Variants in RBBP8NL observed in about 807,000 individuals in gnomAD.
RBBP8NL encodes RBBP8 N-terminal like.
RBBP8NL carries 59 observed loss-of-function variants against 62.2 expected under a neutral mutation model. The observed-to-expected ratio is 0.95, with a 90% CI of 0.77 to 1.18. The LOEUF is 1.18. Ranked by LOEUF, RBBP8NL falls within the 50% of genes most tolerant of loss-of-function variation. RBBP8NL has a pLI of 0.00. For missense variants in RBBP8NL, 896 were observed against 899.5 expected, an observed-to-expected ratio of 1.00 and a Z score of 0.05; for synonymous variants, 412 against 394.1, an observed-to-expected ratio of 1.05 and a Z score of -0.54.
rs1233887740 is a variant in RBBP8NL, at chr20:62,414,237, T to G, written c.1114A>C (p.Ser372Arg). 5 of 1,599,898 alleles carry G rather than the reference T, an allele frequency of 3.1e-6. No homozygotes were observed. Among genetic ancestry groups the G allele is most frequent in the Non-Finnish European group, 4.3e-6 (5 of 1,174,634 alleles). Reference sequence around the variant, plus strand: ...GTGGGCTGGCCCCTTGGCCTGACACTGCCTGCCCTGGCCCTAGCCCGCAGC... The same window carrying G: ...GTGGGCTGGCCCCTTGGCCTGACACGGCCTGCCCTGGCCCTAGCCCGCAGC... ...QQLRARARAG[S>R]VRPRGQPTPG... is the part of the protein sequence containing the mutation. The change falls in exon 10 of 14, where the codon AGT becomes CGT. Residue 372 changes from serine (S) to arginine (R), a missense_variant. Ser to Arg is a moderately radical substitution (Grantham distance 110). Transcript: ENST00000252998.
At chr20:62,417,389 G>T in intron 3 of RBBP8NL, 70 bp from the exon 4 acceptor site, 1 of 1,273,508 alleles carries the variant, frequency 7.9e-7, no homozygotes, top group Non-Finnish European at 1.1e-6. Flanking sequence ...CCACCATCCA[G>T]CCTGGGGGGG....
chr20:62,419,387 C>A (rs1290871398), intron 2 of RBBP8NL, among the ~76,000 whole-genome samples, 200 bp downstream of exon 2: 1 of 152,150 alleles, frequency 6.6e-6, no homozygotes, highest in Non-Finnish European at 1.5e-5. Context: ...GGTCAGCACT[C>A]GGGCCCAGGC....
chr20:62,416,758 A>G lies in RBBP8NL; in HGVS notation c.313+2T>C, dbSNP rs1347424024. ...CCCGGTTGTCTGGTGGGTGGGGCTCACTGAGGATGAAGATGCGCTGCAGGT... is the reference window on the plus strand; with the variant it reads ...CCCGGTTGTCTGGTGGGTGGGGCTCGCTGAGGATGAAGATGCGCTGCAGGT... On this transcript the variant is annotated splice_donor_variant, in intron 5 of 13. Coordinates refer to ENST00000252998, the MANE Select transcript of RBBP8NL (RefSeq NM_080833.3). LOFTEE classifies it high-confidence loss of function. 3 of 1,574,436 alleles carry G rather than the reference A, an allele frequency of 1.9e-6. No homozygotes were observed. Among genetic ancestry groups the G allele is most frequent in the South Asian group, 1.2e-5 (1 of 86,406 alleles).
In RBBP8NL at chr20:62,414,191, G is replaced by A. The variant is rs200817450; in HGVS notation, c.1160C>T (p.Ser387Phe). 1.6e-5 allele frequency: 26 copies of A among 1,609,482 alleles called. No homozygotes were observed. In the African/African-American group the frequency reaches 3.3e-4, roughly 21 times the overall value. ...CTCAGAGTCTGAGCCGACTGGTAGG[G>A]AGGGCAGCATCTCCCCGGGTGTGGG... ...GQPTPGEMLPSLPVGSDSEGP... is the reference protein window; with the variant it reads ...GQPTPGEMLPFLPVGSDSEGP... Residue 387 changes from serine to phenylalanine, a missense_variant, in exon 10 of 14, where the codon TCC becomes TTC. Ser to Phe is a radical substitution (Grantham distance 155). Coordinates refer to ENST00000252998, the MANE Select transcript of RBBP8NL (RefSeq NM_080833.3).
chr20:62,416,310 C>T, intron 5 of RBBP8NL, 74 bp from the exon 6 acceptor site: 1 of 1,300,150 alleles, frequency 7.7e-7, no homozygotes, highest in Non-Finnish European at 1.1e-6. Flanking sequence ...CGTCACAGCA[C>T]CAGGGAAGCC....
chr20:62,416,888 C>A lies in RBBP8NL; in HGVS notation c.201-16G>T. 1 of 1,533,742 alleles carries A rather than the reference C, an allele frequency of 6.5e-7. No individual in the cohort carries two copies. On this transcript the variant is annotated splice_polypyrimidine_tract_variant and intron_variant, in intron 4 of 13. Transcript: ENST00000252998. ...GGCCCGCAGCCTGCAGGGATGGGGA[C>A]GCAGGGGGTGTGAGGGATGGCACGG...
intron 3 of RBBP8NL, among the ~76,000 whole-genome samples, chr20:62,417,756 C>T (rs1160283432): frequency 2.9e-5 from 3 of 105,138 alleles, no homozygotes; most frequent in African/African-American, 1.2e-4. Context: ...TGACGTCTGT[C>T]CTGTCCACAC....
intron 11 of RBBP8NL, 116 bp downstream of exon 11, chr20:62,413,285 G>C: frequency 7.9e-7 from 1 of 1,273,748 alleles, no homozygotes; most frequent in Non-Finnish European, 1.0e-6. Context: ...CCGTCAGATC[G>C]GCAGGGCAGA....
chr20:62,415,430 G>A lies in RBBP8NL; in HGVS notation c.628-143C>T. The A allele has an allele frequency of 5.2e-6, 7 of 1,358,198 alleles. No homozygotes were observed. In the South Asian group the frequency reaches 9.1e-5, roughly 18 times the overall value. The allele number at this position is 1,358,198 out of a possible 1,614,324, so 84.1% of individuals were successfully genotyped here. ...GCTGCACCCCCACCCACGCCAAATG[G>A]AGCGCAGTGGCTCCTGCCCGGGACA... On this transcript the variant is annotated intron_variant, in intron 8 of 13. Transcript: ENST00000252998.
intron 1 of RBBP8NL, among the ~76,000 whole-genome samples, chr20:62,426,208 G>A (rs1988805762): frequency 6.6e-6 from 1 of 152,210 alleles, no homozygotes; most frequent in Admixed American, 6.5e-5. Flanking sequence ...AGTGGCATTA[G>A]CAGTGGCAGT....
chr20:62,423,590 C>T (rs1384698008), intron 1 of RBBP8NL, among the ~76,000 whole-genome samples: 1 of 152,180 alleles, frequency 6.6e-6, no homozygotes, highest in African/African-American at 2.4e-5. Flanking sequence ...AGGAGCCGCC[C>T]AAGGGAGCCC....
At chr20:62,427,308 C>T (rs982282466) in intron 1 of RBBP8NL, among the ~76,000 whole-genome samples, 152 bp downstream of exon 1, 2 of 152,194 alleles carry the variant, frequency 1.3e-5, no homozygotes, top group Non-Finnish European at 1.5e-5. Flanking sequence ...TTGTGCCACC[C>T]CTTAGGGAAG....
At chr20:62,422,784 G>T (rs1235170020) in intron 1 of RBBP8NL, among the ~76,000 whole-genome samples, 7 of 152,142 alleles carry the variant, frequency 4.6e-5, no homozygotes, top group African/African-American at 1.7e-4. Context: ...GCAGCAAGGG[G>T]TGTGGGACAG....
At chr20:62,418,882 T>C (rs1400366946) in intron 2 of RBBP8NL, among the ~76,000 whole-genome samples, 1 of 152,180 alleles carries the variant, frequency 6.6e-6, no homozygotes, top group Non-Finnish European at 1.5e-5. Flanking sequence ...GGATCCAACC[T>C]GGGCCTGGCT....
chr20:62,418,686 C>T (rs1350641082), intron 2 of RBBP8NL, among the ~76,000 whole-genome samples: 1 of 152,200 alleles, frequency 6.6e-6, no homozygotes, highest in African/African-American at 2.4e-5. Flanking sequence ...GGGTCTCTGC[C>T]TCCGGCATCT....
In RBBP8NL at chr20:62,413,826, G is replaced by T; in HGVS notation, c.1525C>A (p.Pro509Thr). ...RVPEQEEAST[P>T]MDPSRPLPGS... ...GCCAGGACCGGGCTCCTTACCATGG[G>T]AGTGGAAGCCTCCTCCTGCTCTGGC... Residue 509 changes from proline to threonine, a missense_variant, in exon 10 of 14, where the codon CCC (proline) becomes ACC (threonine). Transcript: ENST00000252998. 6.3e-7 allele frequency: 1 copy of T among 1,596,566 alleles called. No individual in the cohort carries two copies.
chr20:62,421,847 A>T (rs532911138), intron 1 of RBBP8NL, among the ~76,000 whole-genome samples: 1 of 144,330 alleles, frequency 6.9e-6, no homozygotes, highest in African/African-American at 2.6e-5. Flanking sequence ...GCCAGTGTGC[A>T]TGTGTGTGTG....
rs1988463861 is a variant in RBBP8NL, at chr20:62,412,765, G to C, written c.1747-12C>G. 6.2e-7 allele frequency: 1 copy of C among 1,612,688 alleles called. No homozygotes were observed. Among genetic ancestry groups the C allele is most frequent in the Admixed American group, 1.7e-5 (1 of 60,008 alleles). ...GAGCTCAGGCCCACCTGGGGAGAAG[G>C]GGGTGTGGTCACGAGGAGGACTGCC... On this transcript the variant is annotated splice_polypyrimidine_tract_variant and intron_variant, in intron 12 of 13. Transcript: ENST00000252998.
chr20:62,419,353 T>C (rs1988650044), intron 2 of RBBP8NL, among the ~76,000 whole-genome samples: 1 of 151,928 alleles, frequency 6.6e-6, no homozygotes. Context: ...ACTCTGGGAG[T>C]GGCTCGAGGA....
Sources: allele counts gnomAD v4.1 joint callset (sites outside exome capture counted in the v4.1 genomes callset), GRCh38; gene constraint gnomAD v4.1.1; transcripts MANE v1.5; gene names NCBI Gene and HGNC (gene_info 2026-07-23, HGNC 2026-07-21).